Variants in PDE1A observed in about 807,000 individuals in gnomAD.
PDE1A encodes the protein phosphodiesterase 1A.
Under a neutral mutation model 61.7 loss-of-function variants are expected in PDE1A, and 35 were observed. The observed-to-expected ratio is 0.57, with a 90% CI of 0.43 to 0.75. The LOEUF (loss-of-function observed/expected upper bound fraction) is 0.75. PDE1A is among the 30% of genes least tolerant of loss of function. PDE1A has a pLI of 0.00. For missense variants in PDE1A, 597 were observed against 630.6 expected (o/e 0.95, Z 0.57); for synonymous variants, 232 against 213.2 (o/e 1.09, Z -0.77).
intron 2 of PDE1A, among the ~76,000 whole-genome samples, chr2:182,484,250 A>G (rs191754529): frequency 6.6e-6 from 1 of 152,124 alleles, no homozygotes; most frequent in African/African-American, 2.4e-5. Flanking sequence ...CTCTTTGCAT[A>G]AATTCAAACC....
chr2:182,522,249 G>C, intron 2 of PDE1A: 1 of 1,579,868 alleles, frequency 6.3e-7, no homozygotes, highest in Non-Finnish European at 8.7e-7. Flanking sequence ...CTTTTGGGGG[G>C]AAATAAAAAG....
chr2:182,585,680 G>T, the PDE1A span, among the ~76,000 whole-genome samples: 1 of 152,142 alleles, frequency 6.6e-6, no homozygotes, highest in Non-Finnish European at 1.5e-5. Flanking sequence ...TATCTGTGCT[G>T]ATTATTCAGA....
intron 2 of PDE1A, among the ~76,000 whole-genome samples, chr2:182,242,918 C>G (rs75032324): frequency 4.7e-4 from 23 of 48,920 alleles, no homozygotes; most frequent in African/African-American, 1.7e-3. Flanking sequence ...CTCTCTCTCT[C>G]TCTCTCTCGT....
intron 10 of PDE1A, among the ~76,000 whole-genome samples, chr2:182,196,761 T>C (rs1457806737): frequency 1.3e-5 from 2 of 151,052 alleles, no homozygotes; most frequent in Non-Finnish European, 3.0e-5. Flanking sequence ...AGTCTATTTT[T>C]CATTGTTGCT....
the PDE1A span, among the ~76,000 whole-genome samples, chr2:182,682,926 G>A: frequency 8.8e-4 from 134 of 152,208 alleles, no homozygotes; most frequent in African/African-American, 3.0e-3. Context: ...GTCTGTGCAT[G>A]TTGTACTCCT....
the PDE1A span, among the ~76,000 whole-genome samples, chr2:182,640,792 G>GTAATC: frequency 1.3e-5 from 2 of 152,018 alleles, no homozygotes; most frequent in Non-Finnish European, 1.5e-5. Context: ...GGCCAAGGCA[G>GTAATC]GCAGATCACT....
chr2:182,529,133 C>T, the PDE1A span, among the ~76,000 whole-genome samples: 6 of 152,172 alleles, frequency 3.9e-5, no homozygotes, highest in African/African-American at 4.8e-5. Context: ...GCACCGTGCA[C>T]GTGGATAGGT....
At chr2:182,291,516 C>G (rs904638108) in intron 1 of PDE1A, among the ~76,000 whole-genome samples, 10 of 152,146 alleles carry the variant, frequency 6.6e-5, no homozygotes, top group African/African-American at 2.2e-4. Flanking sequence ...GGATTGTCAA[C>G]TCTTCAAGGC....
the PDE1A span, among the ~76,000 whole-genome samples, chr2:182,612,077 C>T: frequency 6.6e-6 from 1 of 152,252 alleles, no homozygotes; most frequent in South Asian, 2.1e-4. Context: ...GACTCCAGCC[C>T]AGTACTAATT....
chr2:182,381,184 T>C (rs1236322171), intron 1 of PDE1A, among the ~76,000 whole-genome samples: 1 of 152,196 alleles, frequency 6.6e-6, no homozygotes, highest in Admixed American at 6.5e-5. Context: ...TTTTTTTTTT[T>C]TTTACATTTC....
the PDE1A span, among the ~76,000 whole-genome samples, chr2:182,585,251 G>T: frequency 1.3e-5 from 2 of 152,124 alleles, no homozygotes; most frequent in Non-Finnish European, 1.5e-5. Context: ...AATTAGATTC[G>T]TGATAGCAAC....
At chr2:182,327,957 G>C (rs1167933459) in intron 1 of PDE1A, among the ~76,000 whole-genome samples, 1 of 152,224 alleles carries the variant, frequency 6.6e-6, no homozygotes, top group East Asian at 1.9e-4. Context: ...ATGCGATTTA[G>C]CACCTAAGTA....
intron 2 of PDE1A, among the ~76,000 whole-genome samples, chr2:182,470,834 A>G (rs181003723): frequency 6.6e-6 from 1 of 151,968 alleles, no homozygotes; most frequent in Admixed American, 6.6e-5. Context: ...GTTTTGCACA[A>G]GGAGCATTAG....
the PDE1A span, among the ~76,000 whole-genome samples, chr2:182,533,504 G>A: frequency 6.6e-6 from 1 of 152,052 alleles, no homozygotes; most frequent in African/African-American, 2.4e-5. Context: ...GAAGTGGAGG[G>A]AAGTTTATGA....
chr2:182,530,207 T>C, the PDE1A span, among the ~76,000 whole-genome samples: 1 of 149,574 alleles, frequency 6.7e-6, no homozygotes, highest in African/African-American at 2.4e-5. Flanking sequence ...CCATTAGCCA[T>C]CAGGCAACAA....
intron 2 of PDE1A, among the ~76,000 whole-genome samples, chr2:182,250,672 G>C (rs1039699235): frequency 1.3e-5 from 2 of 152,052 alleles, no homozygotes; most frequent in Non-Finnish European, 2.9e-5. Context: ...TTGTACATGA[G>C]TGACTATGAA....
intron 1 of PDE1A, among the ~76,000 whole-genome samples, chr2:182,386,654 G>A (rs1445137737): frequency 1.2e-4 from 18 of 149,822 alleles, no homozygotes; most frequent in Admixed American, 4.0e-4. Flanking sequence ...CCCGGCAGCC[G>A]CCCCATCTGA....
chr2:182,610,362 T>C, the PDE1A span, among the ~76,000 whole-genome samples: 1 of 152,178 alleles, frequency 6.6e-6, no homozygotes, highest in African/African-American at 2.4e-5. Context: ...TGTGGGCTGA[T>C]TTTTTCAGTG....
At chr2:182,331,211 C>T (rs937478861) in intron 1 of PDE1A, among the ~76,000 whole-genome samples, 2 of 152,118 alleles carry the variant, frequency 1.3e-5, no homozygotes, top group African/African-American at 2.4e-5. Flanking sequence ...TGAATCTTGA[C>T]GCTGAGGAAA....
Sources: gnomAD v4.1 joint callset for allele counts (sites outside exome capture counted in the v4.1 genomes callset) on GRCh38, gnomAD v4.1.1 for gene constraint, MANE v1.5 for transcripts, NCBI Gene and HGNC (gene_info 2026-07-23, HGNC 2026-07-21) for gene names.